ALDH3B2: variants seen among roughly 807,000 people sequenced by gnomAD.
The protein encoded by ALDH3B2 is aldehyde dehydrogenase 3 family member B2, also known as aldehyde dehydrogenase family 3 member B2.
A neutral mutation model predicts 36.7 loss-of-function variants in ALDH3B2; 45 were observed. The ratio of observed to expected loss-of-function variants is 1.23; its 90% confidence interval spans 0.97 to 1.57. ALDH3B2 has a LOEUF of 1.57. Ranked by LOEUF, ALDH3B2 falls within the 40% of genes most tolerant of loss-of-function variation. ALDH3B2 has a pLI of 0.00. For missense variants in ALDH3B2, 464 were observed against 513.3 expected, an observed-to-expected ratio of 0.90 and a Z score of 0.93; for synonymous variants, 217 against 226.5, an observed-to-expected ratio of 0.96 and a Z score of 0.38.
chr11:67,664,442 C>G lies in ALDH3B2; in HGVS notation c.827G>C (p.Arg276Pro), dbSNP rs200401874. ...GTACAGGGCCAGGGGCTTCTCCTGCCGGTTGATGAACTTGATGGCCTCGTC... is the reference window on the plus strand; with the variant it reads ...GTACAGGGCCAGGGGCTTCTCCTGCGGGTTGATGAACTTGATGGCCTCGTC... Residue 276 changes from arginine to proline, a missense_variant, in exon 8 of 10, where the codon CGG becomes CCG. By Grantham distance (103) the Arg-to-Pro change is moderately radical (BLOSUM62 -2). Coordinates refer to ENST00000349015, the Ensembl canonical transcript of ALDH3B2. 335 of 1,613,992 alleles carry G rather than the reference C, an allele frequency of 2.1e-4. 1 individual carries two copies. Among genetic ancestry groups the G allele is most frequent in the Middle Eastern group, 3.3e-4 (2 of 6,082 alleles).
In ALDH3B2 at chr11:67,665,259, G is replaced by T. The variant is rs761204988; in HGVS notation, c.706+26C>A. ...TTGAGAAAGGGTCTTGGCCCAGGTGGGCTGCGGTAGGGCAGCAGGACTCAC... is the reference window on the plus strand; with the variant it reads ...TTGAGAAAGGGTCTTGGCCCAGGTGTGCTGCGGTAGGGCAGCAGGACTCAC... On this transcript the variant is annotated intron_variant, in intron 7 of 9. Coordinates refer to ENST00000349015, the Ensembl canonical transcript of ALDH3B2. 2.5e-6 allele frequency: 4 copies of T among 1,573,896 alleles called. No homozygotes were observed. The South Asian group carries it at 4.8e-5, about 19-fold the overall frequency.
chr11:67,672,085 A>ATATATATT (rs1398899805), intron 1 of ALDH3B2, among the ~76,000 whole-genome samples: 1 of 52,840 alleles, frequency 1.9e-5, no homozygotes, highest in African/African-American at 7.4e-5. Flanking sequence ...ATATATATAT[A>ATATATATT]TATGTATGTA....
chr11:67,665,287 A>G lies in ALDH3B2; in HGVS notation c.704T>C (p.Ile235Thr), dbSNP rs1191334294. 76 of 1,603,868 alleles carry G rather than the reference A, an allele frequency of 4.7e-5. 1 individual carries two copies. The Admixed American group carries it at 1.2e-3, about 26-fold the overall frequency. Residue 235 changes from isoleucine (I) to threonine (T), a missense_variant and splice_region_variant, in exon 7 of 10, where the codon ATC becomes ACC. Transcript: ENST00000349015. ...TGCGGTAGGGCAGCAGGACTCACCGATGTAGCGATCGCTCTCGTTGCTCTG... is the reference window on the plus strand; with the variant it reads ...TGCGGTAGGGCAGCAGGACTCACCGGTGTAGCGATCGCTCTCGTTGCTCTG...
intron 2 of ALDH3B2, 49 bp downstream of exon 2, chr11:67,667,424 A>G: frequency 2.9e-6 from 1 of 350,782 alleles, no homozygotes. Flanking sequence ...CTGAAAGAGG[A>G]CAGGGACGCT....
intron 1 of ALDH3B2, among the ~76,000 whole-genome samples, chr11:67,669,987 T>C (rs1334396358): frequency 1.2e-4 from 13 of 108,572 alleles, no homozygotes; most frequent in Admixed American, 1.9e-4. Context: ...TGTCTGTATG[T>C]GTATGGGTGT....
chr11:67,679,771 G>A (rs1415547198), intron 1 of ALDH3B2, among the ~76,000 whole-genome samples: 2 of 151,306 alleles, frequency 1.3e-5, no homozygotes, highest in African/African-American at 4.9e-5. Context: ...AAATTAATAA[G>A]AGCCTATATG....
chr11:67,666,164 C>T (rs374392279), exon 6 of ALDH3B2: 11 of 1,614,102 alleles, frequency 6.8e-6, no homozygotes, highest in African/African-American at 4.0e-5. Flanking sequence ...AGCAGCTGCC[C>T]TGTCTCCTGG....
chr11:67,663,039 T>TAGA, exon 10 of ALDH3B2: 2 of 807,706 alleles, frequency 2.5e-6, no homozygotes, highest in Non-Finnish European at 3.9e-6. Context: ...GTCCCCCAGA[T>TAGA]AGAAGCAAGA....
intron 7 of ALDH3B2, 93 bp downstream of exon 7, chr11:67,665,192 C>T: frequency 6.6e-7 from 1 of 1,514,406 alleles, no homozygotes; most frequent in Non-Finnish European, 8.8e-7. Flanking sequence ...GGCCGGGTTT[C>T]AGGTGCGAGT....
intron 7 of ALDH3B2, 46 bp downstream of exon 7, chr11:67,665,239 A>G (rs781461795): frequency 4.5e-6 from 7 of 1,547,794 alleles, no homozygotes; most frequent in African/African-American, 1.4e-5. Context: ...CTCCATTGAG[A>G]AAGGGTCTTG....
chr11:67,669,756 G>A (rs1371857089), intron 1 of ALDH3B2, among the ~76,000 whole-genome samples: 1 of 130,266 alleles, frequency 7.7e-6, no homozygotes, highest in African/African-American at 3.5e-5. Context: ...CTGTGTCCAC[G>A]TGTGTCTGTG....
chr11:67,679,087 G>A (rs544047702), upstream of ALDH3B2, among the ~76,000 whole-genome samples: 45 of 152,228 alleles, frequency 3.0e-4, no homozygotes, highest in Middle Eastern at 3.4e-3. Flanking sequence ...TACTGCTCAG[G>A]TGATGGCTGC....
intron 1 of ALDH3B2, among the ~76,000 whole-genome samples, chr11:67,673,172 C>T (rs993126350): frequency 2.6e-5 from 4 of 152,018 alleles, no homozygotes; most frequent in Non-Finnish European, 4.4e-5. Flanking sequence ...CATCGTGATC[C>T]GCCCGCCTCG....
At chr11:67,671,346 T>G (rs1856104883) in intron 1 of ALDH3B2, 1 of 152,292 alleles carries the variant, frequency 6.6e-6, no homozygotes, top group South Asian at 2.1e-4. Flanking sequence ...AGGAAACAGA[T>G]GGGGGCTGGA....
chr11:67,668,434 AG>A (rs752322745), intron 1 of ALDH3B2, among the ~76,000 whole-genome samples: 11 of 151,764 alleles, frequency 7.2e-5, no homozygotes, highest in Non-Finnish European at 1.6e-4. Context: ...GAAGGGGCTC[AG>A]GGGGACACTC....
At position 67,668,374 on chromosome 11, in the gene ALDH3B2, A is replaced by G. The variant is rs191189623; in HGVS notation, c.-244-739T>C. On this transcript the variant is annotated intron_variant, in intron 1 of 9. Coordinates refer to ENST00000349015, the Ensembl canonical transcript of ALDH3B2. ...GGCTTTAGCCTGAGGGCCCAAGGGA[A>G]CCCCAGTGGGGTCTGGAGAGGAGGA... is the stretch of plus-strand genomic sequence containing the variant. Among the ~76,000 whole-genome samples, 867 of 151,880 alleles carry G rather than the reference A, an allele frequency of 5.7e-3. 4 individuals carry two copies. Among genetic ancestry groups the G allele is most frequent in the Non-Finnish European group, 7.1e-3 (485 of 67,916 alleles).
upstream of ALDH3B2, among the ~76,000 whole-genome samples, chr11:67,677,426 G>A (rs538317055): frequency 6.6e-6 from 1 of 152,108 alleles, no homozygotes; most frequent in Non-Finnish European, 1.5e-5. Context: ...AAAACCCTCA[G>A]CAAAATCAGT....
chr11:67,664,714 G>A (rs1368412632), intron 7 of ALDH3B2, 152 bp from the exon 8 acceptor site: 28 of 1,239,184 alleles, frequency 2.3e-5, no homozygotes, highest in Admixed American at 8.3e-5. Flanking sequence ...AGTGTTTAGG[G>A]AAGAAAGTTT....
chr11:67,668,424 G>C (rs1373539548), intron 1 of ALDH3B2, among the ~76,000 whole-genome samples: 1 of 152,094 alleles, frequency 6.6e-6, no homozygotes, highest in Non-Finnish European at 1.5e-5. Context: ...GGGGGTGGGG[G>C]AAGGGGCTCA....
Sources: gnomAD v4.1 joint callset for allele counts (sites outside exome capture counted in the v4.1 genomes callset) on GRCh38, gnomAD v4.1.1 for gene constraint, MANE v1.5 for transcripts, NCBI Gene and HGNC (gene_info 2026-07-23, HGNC 2026-07-21) for gene names.